The following NRK variants were observed in gnomAD, a reference collection of about 807,000 sequenced individuals.
NRK encodes Nik related kinase.
In NRK, 67 loss-of-function variants were observed where a neutral mutation model predicts 125.2. That is an observed-to-expected ratio of 0.54 (90% CI 0.44 to 0.66). The LOEUF is 0.66. Among genes scored for constraint, NRK ranks in the 30% least tolerant of loss-of-function variants. The probability of loss-of-function intolerance (pLI) is 0.00; values close to 1 mark genes in which losing one functional copy is unlikely to be tolerated. For missense variants in NRK, 1,224 were observed against 1,192.9 expected (o/e 1.03, Z -0.38); for synonymous variants, 458 against 429.0 (o/e 1.07, Z -0.84).
rs763061332 is a variant in NRK, at chrX:105,909,050, G to A, written c.1409G>A (p.Arg470Gln). Residue 470 changes from arginine to glutamine, a missense_variant, in exon 13 of 29, where the codon CGA becomes CAA. Coordinates refer to ENST00000243300, the MANE Select transcript of NRK (RefSeq NM_198465.4). ...PLQMQIKAPP[R>Q]LRRAARVLMP... is the part of the protein sequence containing the mutation. ...CAAATGCAGATTAAGGCACCTCCACGACTACGGAGGGCAGCCAGGGTGCTC... is the reference window on the plus strand; with the variant it reads ...CAAATGCAGATTAAGGCACCTCCACAACTACGGAGGGCAGCCAGGGTGCTC... 4.6e-5 allele frequency: 56 copies of A among 1,208,362 alleles called. No individual in the cohort carries two copies. The highest frequency in any genetic ancestry group is 7.0e-5 in the African/African-American group (4 of 56,925).
At chrX:105,827,970 A>AACTTCTATTTTC (rs772335743) in intron 1 of NRK, among the ~76,000 whole-genome samples, 1 of 111,636 alleles carries the variant, frequency 9.0e-6, no homozygotes, top group Non-Finnish European at 1.9e-5. Flanking sequence ...TCTGACGTGG[A>AACTTCTATTTTC]ACTTCTATTT....
At chrX:105,954,150 G>A (rs978750403) in intron 28 of NRK, among the ~76,000 whole-genome samples, 1 of 111,414 alleles carries the variant, frequency 9.0e-6, no homozygotes, top group African/African-American at 3.3e-5. Flanking sequence ...ATATCTGTAA[G>A]CATCTCACAG....
At chrX:105,905,903 C>A (rs184791579) in intron 10 of NRK, among the ~76,000 whole-genome samples, 1 of 111,879 alleles carries the variant, frequency 8.9e-6, no homozygotes, top group Admixed American at 9.5e-5. Context: ...TCAATTTAAC[C>A]CTTTCCATGG....
At position 105,822,857 on chromosome X, in the gene NRK, T is replaced by C; in HGVS notation, c.12T>C (p.Pro4=). 8.5e-7 allele frequency: 1 copy of C among 1,171,719 alleles called. No homozygotes were observed. The highest frequency in any genetic ancestry group is 1.1e-6 in the Non-Finnish European group (1 of 874,594). The change falls in exon 1 of 29, where the codon CCT becomes CCC. Residue 4 remains proline, a synonymous_variant. Coordinates refer to ENST00000243300, the MANE Select transcript of NRK (RefSeq NM_198465.4). ...GGCTCCTCGAAGCCATGGCGGGACC[T>C]GGGGGCTGGAGGGACAGGGAGGTCA... is the stretch of plus-strand genomic sequence containing the variant. MAG[P]GGWRDREVTD... is the part of the protein sequence containing the mutation.
At chrX:105,838,080 G>A (rs987390632) in intron 2 of NRK, among the ~76,000 whole-genome samples, 1 of 111,191 alleles carries the variant, frequency 9.0e-6, no homozygotes, top group African/African-American at 3.3e-5. Context: ...ATTGCACCTA[G>A]CACAGTGCCT....
chrX:105,903,498 T>C (rs2040184563), intron 9 of NRK, among the ~76,000 whole-genome samples: 1 of 111,704 alleles, frequency 9.0e-6, no homozygotes, highest in South Asian at 3.8e-4. Context: ...CAATTTAATA[T>C]GTGTCCAACC....
At chrX:105,938,396 A>G (rs1228334073) in intron 22 of NRK, among the ~76,000 whole-genome samples, 1 of 112,197 alleles carries the variant, frequency 8.9e-6, no homozygotes, top group Non-Finnish European at 1.9e-5. Flanking sequence ...TCCTAAAATG[A>G]TTAACTTTGC....
intron 2 of NRK, among the ~76,000 whole-genome samples, chrX:105,840,757 G>A (rs1392727873): frequency 9.0e-6 from 1 of 110,508 alleles, no homozygotes; most frequent in African/African-American, 3.3e-5. Flanking sequence ...GTTGGGCAGT[G>A]TTAGAAGTAA....
rs1602653713 is a variant in NRK at position 105,900,592 on chromosome X, CT to C, written c.712-20del. The C allele has an allele frequency of 8.0e-6, 9 of 1,130,152 alleles. No individual in the cohort carries two copies. In the African/African-American group the frequency reaches 1.1e-4, roughly 13 times the overall value. 93.1% of individuals were successfully genotyped at this position (1,130,152 alleles called of 1,213,427 possible). On this transcript the variant is annotated intron_variant, in intron 8 of 28. Coordinates refer to ENST00000243300, the MANE Select transcript of NRK (RefSeq NM_198465.4). ...CTACCAATTTCCTATTTTTAAGTGA[CT>C]TTTTTGTCATCTTTGTCTTTGCAGA...
chrX:105,939,715 A>G (rs1460815002), intron 22 of NRK, among the ~76,000 whole-genome samples, 159 bp from the exon 23 acceptor site: 2 of 111,896 alleles, frequency 1.8e-5, no homozygotes, highest in African/African-American at 6.5e-5. Context: ...CATATTTCCA[A>G]ATCCTGAATG....
chrX:105,899,566 T>C (rs1421231242), intron 8 of NRK, among the ~76,000 whole-genome samples: 1 of 112,086 alleles, frequency 8.9e-6, no homozygotes, highest in Non-Finnish European at 1.9e-5. Flanking sequence ...TTATAAATAA[T>C]GCTTTATAAT....
chrX:105,847,882 A>C (rs1383335265), intron 2 of NRK, among the ~76,000 whole-genome samples: 1 of 111,797 alleles, frequency 8.9e-6, no homozygotes, highest in Admixed American at 9.5e-5. Context: ...CCAGGGAGTG[A>C]GTTGCCTAAC....
chrX:105,888,583 G>A (rs183251493), intron 5 of NRK, among the ~76,000 whole-genome samples, 164 bp downstream of exon 5: 192 of 111,173 alleles, frequency 1.7e-3, no homozygotes, highest in Admixed American at 4.8e-3. Flanking sequence ...TTAGGTTGGC[G>A]CAAAATAATC....
intron 8 of NRK, among the ~76,000 whole-genome samples, chrX:105,899,627 T>C (rs996290058): frequency 1.8e-5 from 2 of 111,880 alleles, no homozygotes; most frequent in Non-Finnish European, 3.8e-5. Context: ...TCGTTATTTA[T>C]TTTTAGTTTT....
chrX:105,933,099 G>A (rs2040615465), intron 19 of NRK, among the ~76,000 whole-genome samples: 2 of 110,922 alleles, frequency 1.8e-5, no homozygotes. Context: ...AGAAAAAAAG[G>A]AAGGAAGGAA....
chrX:105,830,768 T>C (rs1481434512), intron 1 of NRK, among the ~76,000 whole-genome samples: 3 of 100,443 alleles, frequency 3.0e-5, no homozygotes, highest in Non-Finnish European at 5.9e-5. Context: ...CACTCATAGG[T>C]GGGAATTGAA....
Position 105,893,892 on chromosome X carries a change from C to A in NRK, c.439C>A (p.Gln147Lys). The A allele has an allele frequency of 8.4e-7, 1 of 1,197,535 alleles. No homozygotes were observed. The highest frequency in any genetic ancestry group is 1.1e-6 in the Non-Finnish European group (1 of 883,109). Residue 147 changes from glutamine (Q) to lysine (K), a missense_variant, in exon 6 of 29, where the codon CAG becomes AAG. Transcript: ENST00000243300. The part of the protein sequence containing the change: ...VTDVVRMTSN[Q>K]SLKEDWIAYI... ...TGATGTAGTGAGAATGACCAGTAAT[C>A]AGAGTTTAAAAGAAGATTGGATTGC...
intron 9 of NRK, among the ~76,000 whole-genome samples, chrX:105,903,109 T>C (rs988321297): frequency 1.1e-4 from 12 of 111,485 alleles, no homozygotes; most frequent in Admixed American, 2.9e-4. Context: ...TTTTAGTCTC[T>C]ATCTTTTATA....
chrX:105,944,650 C>A (rs2040790364), intron 24 of NRK, among the ~76,000 whole-genome samples: 1 of 111,005 alleles, frequency 9.0e-6, no homozygotes, highest in South Asian at 3.8e-4. Flanking sequence ...GGATAGAGAG[C>A]AGAGGGAAGG....
Sources: gnomAD v4.1 joint callset for allele counts (sites outside exome capture counted in the v4.1 genomes callset) on GRCh38, gnomAD v4.1.1 for gene constraint, MANE v1.5 for transcripts, NCBI Gene and HGNC (gene_info 2026-07-23, HGNC 2026-07-21) for gene names.